Variants in SLC10A7 observed in about 807,000 individuals in gnomAD.
SLC10A7 encodes solute carrier family 10 member 7.
Under a neutral mutation model 43.2 loss-of-function variants are expected in SLC10A7, and 29 were observed. The observed-to-expected ratio is 0.67, with a 90% confidence interval of 0.50 to 0.92. The LOEUF is 0.92. Among genes scored for constraint, SLC10A7 ranks in the 40% least tolerant of loss-of-function variants. The pLI is 0.00. For missense variants in SLC10A7, 295 were observed against 403.2 expected (o/e 0.73, Z 2.30); for synonymous variants, 152 against 144.8 (o/e 1.05, Z -0.35).
At chr4:146,294,727 A>T (rs531707427) in intron 7 of SLC10A7, among the ~76,000 whole-genome samples, 1 of 152,342 alleles carries the variant, frequency 6.6e-6, no homozygotes, top group Non-Finnish European at 1.5e-5. Flanking sequence ...AGAATTCCAG[A>T]ATTAACATTT....
chr4:146,506,576 T>TA (rs893064965), intron 3 of SLC10A7, among the ~76,000 whole-genome samples: 1 of 152,174 alleles, frequency 6.6e-6, no homozygotes, highest in African/African-American at 2.4e-5. Context: ...ATAGTAACCT[T>TA]AAAGTAACCA....
At chr4:146,351,607 A>T (rs184364189) in intron 5 of SLC10A7, among the ~76,000 whole-genome samples, 1 of 152,060 alleles carries the variant, frequency 6.6e-6, no homozygotes, top group African/African-American at 2.4e-5. Context: ...CTTGAAATGA[A>T]GGAAAAAATG....
At chr4:146,459,919 T>C (rs368978410) in intron 4 of SLC10A7, among the ~76,000 whole-genome samples, 2 of 151,900 alleles carry the variant, frequency 1.3e-5, no homozygotes, top group African/African-American at 2.4e-5. Context: ...CTAAAACACA[T>C]AGCTGATAAA....
rs1191816771 is a variant in SLC10A7 at position 146,258,832 on chromosome 4, G to C, written c.853C>G (p.Pro285Ala). The C allele has an allele frequency of 6.2e-7, 1 of 1,606,298 alleles. No individual in the cohort carries two copies. The highest frequency in any genetic ancestry group is 8.5e-7 in the Non-Finnish European group (1 of 1,178,280). ...CCTGCAAACACGATCTTCAGCATCG[G>C]AATTCCTGTTGAACAAAGAAGACAG... ...STHKSLTLGIPMLKIVFAGHE... is the reference protein window; with the variant it reads ...STHKSLTLGIAMLKIVFAGHE... Residue 285 changes from proline (P) to alanine (A), a missense_variant, in exon 11 of 12, where the codon CCG becomes GCG. Pro to Ala is a conservative substitution (Grantham distance 27). Around this residue, in one of 2 missense-constraint regions of SLC10A7, gnomAD observed 242 missense variants for 362.5 expected, o/e 0.67. Coordinates refer to ENST00000335472, the MANE Select transcript of SLC10A7 (RefSeq NM_001029998.6).
At chr4:146,384,675 A>T (rs895978739) in intron 5 of SLC10A7, among the ~76,000 whole-genome samples, 1 of 152,084 alleles carries the variant, frequency 6.6e-6, no homozygotes, top group East Asian at 1.9e-4. Flanking sequence ...TAGAAATATA[A>T]AATCAGAATA....
At position 146,385,485 on chromosome 4, in the gene SLC10A7, A is replaced by G. The variant is rs1369283261; in HGVS notation, c.435+57298T>C. 2.0e-5 allele frequency among the ~76,000 whole-genome samples: 3 copies of G among 152,164 alleles called. 1 individual carries two copies. In the South Asian group the frequency reaches 6.2e-4, roughly 32 times the overall value. Reference sequence around the variant, plus strand: ...TGATTCTCCTGTGTCATTTCATGTCATATGTTTCGCTTTATTTTTTCCAAT... The same window carrying G: ...TGATTCTCCTGTGTCATTTCATGTCGTATGTTTCGCTTTATTTTTTCCAAT... On this transcript the variant is annotated intron_variant, in intron 5 of 11. Coordinates refer to ENST00000335472, the MANE Select transcript of SLC10A7 (RefSeq NM_001029998.6).
At chr4:146,455,836 C>T (rs1731995602) in intron 4 of SLC10A7, among the ~76,000 whole-genome samples, 1 of 151,840 alleles carries the variant, frequency 6.6e-6, no homozygotes, top group Non-Finnish European at 1.5e-5. Context: ...ATATTTTAAA[C>T]TAATAAGTTC....
chr4:146,412,013 C>A (rs1728229673), intron 5 of SLC10A7, among the ~76,000 whole-genome samples: 1 of 152,168 alleles, frequency 6.6e-6, no homozygotes, highest in Admixed American at 6.5e-5. Context: ...ACACTGCATG[C>A]AGACCAGTGG....
chr4:146,340,844 A>G (rs1284568182), intron 5 of SLC10A7, among the ~76,000 whole-genome samples: 1 of 151,940 alleles, frequency 6.6e-6, no homozygotes, highest in African/African-American at 2.4e-5. Context: ...CAATATCTTC[A>G]GAATTTAAAA....
intron 6 of SLC10A7, among the ~76,000 whole-genome samples, chr4:146,309,517 ATGC>A (rs1298808685): frequency 1.3e-5 from 2 of 152,112 alleles, no homozygotes. Flanking sequence ...ATGCCCAGTG[ATGC>A]TGCTGCTGCT....
At chr4:146,436,729 G>C (rs999657510) in intron 5 of SLC10A7, among the ~76,000 whole-genome samples, 2 of 152,040 alleles carry the variant, frequency 1.3e-5, no homozygotes, top group African/African-American at 4.8e-5. Flanking sequence ...GCTTTGTTTG[G>C]TGCTGGTGCT....
chr4:146,478,191 C>T (rs1734191908), intron 4 of SLC10A7: 1 of 152,198 alleles, frequency 6.6e-6, no homozygotes, highest in South Asian at 2.1e-4. Flanking sequence ...CTGTTGCCTA[C>T]CATAGCCTGG....
In SLC10A7 at chr4:146,479,070, C is replaced by T. The variant is rs1490539889; in HGVS notation, c.396+24779G>A. ...TAATTTGTGAACTTTGATATTTTATCCTAAAATATCACATTTTACCTGTTT... is the reference window on the plus strand; with the variant it reads ...TAATTTGTGAACTTTGATATTTTATTCTAAAATATCACATTTTACCTGTTT... On this transcript the variant is annotated intron_variant, in intron 4 of 11. Transcript: ENST00000335472. Among the ~76,000 whole-genome samples, 4 of 151,990 alleles carry T rather than the reference C, an allele frequency of 2.6e-5. No homozygotes were observed. The East Asian group carries it at 7.7e-4, about 29-fold the overall frequency.
Position 146,369,204 on chromosome 4 carries a change from C to A in SLC10A7, c.436-43208G>T, listed in dbSNP as rs1736600451. ...CCTGGGTTCAAATCTTGCTCTACCA[C>A]TTAACCATCTGTGTGACCCTAAACA... On this transcript the variant is annotated intron_variant, in intron 5 of 11. Transcript: ENST00000335472. Among the ~76,000 whole-genome samples, 4 of 152,182 alleles carry A rather than the reference C, an allele frequency of 2.6e-5. No homozygotes were observed. In the South Asian group the frequency reaches 8.3e-4, roughly 32 times the overall value.
intron 5 of SLC10A7, among the ~76,000 whole-genome samples, chr4:146,399,888 G>GA (rs907443360): frequency 3.3e-5 from 5 of 151,956 alleles, no homozygotes; most frequent in African/African-American, 1.2e-4. Flanking sequence ...CAGCATTTAA[G>GA]AAAAAAATCA....
chr4:146,454,700 T>TA (rs1188375022), intron 4 of SLC10A7, among the ~76,000 whole-genome samples: 5 of 151,842 alleles, frequency 3.3e-5, no homozygotes, highest in African/African-American at 1.2e-4. Context: ...GCTGTGCACA[T>TA]ATTAGATGCT....
At chr4:146,340,550 G>C (rs1323505377) in intron 5 of SLC10A7, among the ~76,000 whole-genome samples, 1 of 151,622 alleles carries the variant, frequency 6.6e-6, no homozygotes, top group Non-Finnish European at 1.5e-5. Context: ...GAGAGAGAGA[G>C]AGAGAGAGAG....
intron 4 of SLC10A7, among the ~76,000 whole-genome samples, chr4:146,484,014 A>G (rs1734714446): frequency 2.0e-5 from 3 of 152,228 alleles, no homozygotes; most frequent in Admixed American, 2.0e-4. Flanking sequence ...AGAAATAGAT[A>G]GCAATGCAAT....
intron 6 of SLC10A7, among the ~76,000 whole-genome samples, chr4:146,307,750 G>A (rs1731683018): frequency 6.6e-6 from 1 of 152,120 alleles, no homozygotes; most frequent in South Asian, 2.1e-4. Flanking sequence ...TGTAAAAGGT[G>A]ACATTTCCTG....
Sources: allele counts gnomAD v4.1 joint callset (sites outside exome capture counted in the v4.1 genomes callset), GRCh38; gene constraint gnomAD v4.1.1; regional missense constraint gnomAD v4.1.1; transcripts MANE v1.5; gene names NCBI Gene and HGNC (gene_info 2026-07-23, HGNC 2026-07-21).